The following POLK variants were observed in gnomAD, a reference collection of about 807,000 sequenced individuals.
The protein encoded by POLK is DNA polymerase kappa.
In POLK, 76 loss-of-function variants were observed where a neutral mutation model predicts 94.0. That is an observed-to-expected ratio of 0.81 (90% confidence interval 0.67 to 0.98). The LOEUF (loss-of-function observed/expected upper bound fraction) is 0.98, where lower values mean the gene tolerates loss of function less well. Among genes scored for constraint, POLK ranks in the 50% least tolerant of loss-of-function variants. The probability of loss-of-function intolerance (pLI) is 0.00; values close to 1 mark genes in which losing one functional copy is unlikely to be tolerated. For missense variants in POLK, 954 were observed against 1,010.1 expected (o/e 0.94, Z 0.75); for synonymous variants, 349 against 325.4 (o/e 1.07, Z -0.78).
rs151216855 is a variant in POLK at position 75,562,842 on chromosome 5, A to G, written c.256-6498A>G. 2.1e-3 allele frequency among the ~76,000 whole-genome samples: 317 copies of G among 152,252 alleles called. 1 individual carries two copies. In the East Asian group the frequency reaches 0.027, roughly 13 times the overall value. On this transcript the variant is annotated intron_variant, in intron 3 of 14. Coordinates refer to ENST00000241436, the Ensembl canonical transcript of POLK. ...GAATTGCATATGTTGAACCAGCCTT[A>G]CATCCCAGGGATGAAGCTGACTTGA...
At chr5:75,535,319 G>T (rs1009349240) in intron 1 of POLK, among the ~76,000 whole-genome samples, 1 of 152,158 alleles carries the variant, frequency 6.6e-6, no homozygotes, top group African/African-American at 2.4e-5. Flanking sequence ...CTGCTGACAA[G>T]TCTGCTTGTT....
At chr5:75,565,849 C>T (rs1771238000) in intron 3 of POLK, among the ~76,000 whole-genome samples, 1 of 152,214 alleles carries the variant, frequency 6.6e-6, no homozygotes, top group Admixed American at 6.5e-5. Flanking sequence ...GGGTCAGGCA[C>T]CCACTTGAGG....
intron 1 of POLK, among the ~76,000 whole-genome samples, chr5:75,539,287 G>A (rs1007536972): frequency 7.9e-5 from 12 of 151,210 alleles, no homozygotes; most frequent in African/African-American, 2.7e-4. Context: ...GGCAAGTCCC[G>A]AAGCAGTATT....
At chr5:75,566,413 G>GA (rs1054895741) in intron 3 of POLK, among the ~76,000 whole-genome samples, 2 of 151,968 alleles carry the variant, frequency 1.3e-5, no homozygotes, top group East Asian at 1.9e-4. Context: ...ACTGGGGTAT[G>GA]AAAAAAAACT....
At chr5:75,577,470 T>A (rs540410194) in intron 6 of POLK, among the ~76,000 whole-genome samples, 33 of 152,244 alleles carry the variant, frequency 2.2e-4, no homozygotes, top group South Asian at 1.0e-3. Flanking sequence ...AGGGTTTTTT[T>A]AAAAAAATAA....
chr5:75,579,075 G>T (rs903569836), intron 6 of POLK, among the ~76,000 whole-genome samples: 2 of 152,208 alleles, frequency 1.3e-5, no homozygotes, highest in African/African-American at 2.4e-5. Context: ...AGATTGAAAA[G>T]GTACCTGAAC....
At chr5:75,510,999 C>T (rs984501487), upstream of POLK, 2 of 1,364,538 alleles carry the variant, frequency 1.5e-6, no homozygotes, top group Admixed American at 6.0e-5. Flanking sequence ...AACACTCAGC[C>T]TCGCACCCCG....
intron 3 of POLK, 53 bp downstream of exon 3, chr5:75,552,644 G>C (rs1770391645): frequency 6.8e-7 from 1 of 1,461,132 alleles, no homozygotes; most frequent in Admixed American, 2.1e-5. Context: ...GTAATTGACA[G>C]TTAAAATGTA....
At chr5:75,540,358 G>T (rs1769675481) in intron 1 of POLK, among the ~76,000 whole-genome samples, 1 of 151,580 alleles carries the variant, frequency 6.6e-6, no homozygotes, top group South Asian at 2.1e-4. Flanking sequence ...CCAGGCTGGA[G>T]TGCAGTGGCA....
exon 9 of POLK, chr5:75,584,926 G>A (rs1293994262): frequency 1.9e-6 from 3 of 1,574,776 alleles, no homozygotes; most frequent in Non-Finnish European, 1.7e-6. Flanking sequence ...CACCTGACGA[G>A]GTATCTATAT....
upstream of POLK, chr5:75,511,645 G>A (rs1265681665): frequency 2.3e-5 from 35 of 1,503,546 alleles, no homozygotes; most frequent in East Asian, 8.6e-4. Context: ...CCCCTCCCCT[G>A]TCCTTTCCCC....
At chr5:75,570,008 A>T (rs1771508988) in intron 4 of POLK, among the ~76,000 whole-genome samples, 1 of 152,186 alleles carries the variant, frequency 6.6e-6, no homozygotes, top group Admixed American at 6.5e-5. Flanking sequence ...CATTATGGTG[A>T]GTTGTGTAAT....
At chr5:75,559,353 T>C (rs1770823854) in intron 3 of POLK, among the ~76,000 whole-genome samples, 1 of 152,120 alleles carries the variant, frequency 6.6e-6, no homozygotes, top group Non-Finnish European at 1.5e-5. Context: ...AGTGGACTTC[T>C]TAAAGCACAG....
chr5:75,583,471 T>C (rs756699840), intron 8 of POLK, 54 bp downstream of exon 8: 8 of 1,161,340 alleles, frequency 6.9e-6, no homozygotes, highest in Non-Finnish European at 8.8e-6. Context: ...TCTGAAGAGA[T>C]ACTGTGTAGG....
intron 1 of POLK, among the ~76,000 whole-genome samples, chr5:75,543,654 A>C (rs919276392): frequency 3.9e-5 from 6 of 152,200 alleles, no homozygotes; most frequent in Admixed American, 3.9e-4. Context: ...TGTAGATGAT[A>C]GTCAACATAT....
rs903210426 is a variant in POLK at position 75,515,265 on chromosome 5, T to A, written c.-14+3351T>A. On this transcript the variant is annotated intron_variant, in intron 1 of 14. Transcript: ENST00000241436. ...TTTGTATTTTTGGTCATTTTATGAA[T>A]AGTCCTGAGAAGCAGCAATAAAGGG... 1.8e-4 allele frequency among the ~76,000 whole-genome samples: 28 copies of A among 152,210 alleles called. 1 individual carries two copies. The highest frequency in any genetic ancestry group is 3.2e-4 in the Non-Finnish European group (22 of 68,024).
rs74615519 is a variant in POLK, at chr5:75,530,081, T to C, written c.-13-16929T>C. Among the ~76,000 whole-genome samples, 124 of 152,180 alleles carry C rather than the reference T, an allele frequency of 8.1e-4. 1 individual carries two copies. The East Asian group carries it at 0.02, about 25-fold the overall frequency. ...TTTTACTTGATAGTTGATTTTTCAG[T>C]TTTTAGGTTAGGTAATGTCTGGTGA... On this transcript the variant is annotated intron_variant, in intron 1 of 14. Coordinates refer to ENST00000241436, the Ensembl canonical transcript of POLK.
intron 1 of POLK, among the ~76,000 whole-genome samples, chr5:75,522,059 C>T (rs866283510): frequency 6.6e-6 from 1 of 152,206 alleles, no homozygotes; most frequent in Non-Finnish European, 1.5e-5. Flanking sequence ...GTAGTCCTGC[C>T]TTCCCCATCT....
At chr5:75,584,410 GAT>G (rs969727821) in intron 8 of POLK, among the ~76,000 whole-genome samples, 4 of 152,086 alleles carry the variant, frequency 2.6e-5, no homozygotes, top group Non-Finnish European at 5.9e-5. Flanking sequence ...GATGATAAAA[GAT>G]ATAATGAGCA....
Sources: allele counts gnomAD v4.1 joint callset (sites outside exome capture counted in the v4.1 genomes callset), GRCh38; gene constraint gnomAD v4.1.1; transcripts MANE v1.5; gene names NCBI Gene and HGNC (gene_info 2026-07-23, HGNC 2026-07-21).